IGSF3: variants seen among roughly 807,000 people sequenced by gnomAD.
IGSF3 encodes the protein immunoglobulin superfamily member 3, also known as glu-Trp-Ile EWI motif-containing protein 3.
In IGSF3, 23 loss-of-function variants were observed where a neutral mutation model predicts 114.4. The ratio of observed to expected loss-of-function variants is 0.20; its 90% confidence interval spans 0.14 to 0.28. The LOEUF is 0.28. Ranked by LOEUF, IGSF3 falls within the 10% of genes least tolerant of loss-of-function variation. The pLI is 1.00. For missense variants in IGSF3, 1,172 were observed against 1,591.5 expected (o/e 0.74, Z 4.48); for synonymous variants, 571 against 645.2 (o/e 0.88, Z 1.74).
intron 2 of IGSF3, among the ~76,000 whole-genome samples, chr1:116,652,948 T>C (rs1467753795): frequency 5.3e-5 from 8 of 152,158 alleles, no homozygotes; most frequent in Admixed American, 1.3e-4. Context: ...TCATGGGGCA[T>C]CTTGAACTCT....
In IGSF3 at chr1:116,577,579, G is replaced by A; in HGVS notation, c.3335-17C>T. ...GGGTGGGACCTGAAAAGAATCATGAGAGAGACAAGACAATGAGGGCTGAGA... is the reference window on the plus strand; with the variant it reads ...GGGTGGGACCTGAAAAGAATCATGAAAGAGACAAGACAATGAGGGCTGAGA... On this transcript the variant is annotated splice_polypyrimidine_tract_variant and intron_variant, in intron 10 of 10. Coordinates refer to ENST00000369486, the MANE Select transcript of IGSF3 (RefSeq NM_001007237.3). The surrounding 1 kb of genome is among the most constrained non-coding windows in gnomAD (Gnocchi z 5.7). 6.2e-7 allele frequency: 1 copy of A among 1,612,548 alleles called. No individual in the cohort carries two copies. Among genetic ancestry groups the A allele is most frequent in the Non-Finnish European group, 8.5e-7 (1 of 1,179,340 alleles).
intron 2 of IGSF3, among the ~76,000 whole-genome samples, chr1:116,619,663 C>A (rs1391048157): frequency 6.6e-6 from 1 of 152,168 alleles, no homozygotes; most frequent in Admixed American, 6.5e-5. Flanking sequence ...ACCTCTGCTG[C>A]CTCCAAAGAG....
intron 2 of IGSF3, among the ~76,000 whole-genome samples, chr1:116,659,987 C>T (rs58903221): frequency 0.03 from 4,556 of 152,234 alleles, 90 homozygotes; most frequent in African/African-American, 0.063. Flanking sequence ...CCAGGGACCA[C>T]GAGAGGTCAG....
In IGSF3 at chr1:116,588,857, A is replaced by T. The variant is rs145298151; in HGVS notation, c.2277T>A (p.His759Gln). 15 of 1,614,050 alleles carry T rather than the reference A, an allele frequency of 9.3e-6. No individual in the cohort carries two copies. The African/African-American group carries it at 1.6e-4, about 17-fold the overall frequency. The change falls in exon 8 of 11, where the codon CAT becomes CAA. Residue 759 changes from histidine (H) to glutamine (Q), a missense_variant. By Grantham distance (24) the His-to-Gln change is conservative. Around this residue, in one of 3 missense-constraint regions of IGSF3, gnomAD observed 736 missense variants for 1,042.0 expected, o/e 0.71. Coordinates refer to ENST00000369486, the MANE Select transcript of IGSF3 (RefSeq NM_001007237.3). The surrounding 1 kb of genome is among the most constrained non-coding windows in gnomAD (Gnocchi z 4.9). ...TGAGGCTGAACAGGCCCCCCGACAC[A>T]TGCCTCTCAAACTGGAGCCTGGCTC... ...GLRARLQFER[H>Q]VSGGLFSLTV...
chr1:116,577,677 C>CCCAGTGGAAGCTCCTCGGTGA lies in IGSF3; in HGVS notation c.3335-116_3335-115insTCACCGAGGAGCTTCCACTGG. The CCCAGTGGAAGCTCCTCGGTGA allele has an allele frequency of 1.1e-6, 1 of 900,770 alleles. No homozygotes were observed. The highest frequency in any genetic ancestry group is 1.7e-6 in the Non-Finnish European group (1 of 582,126). The allele number at this position is 900,770 out of a possible 1,614,324, so 55.8% of individuals were successfully genotyped here. On this transcript the variant is annotated intron_variant, in intron 10 of 10. Coordinates refer to ENST00000369486, the MANE Select transcript of IGSF3 (RefSeq NM_001007237.3). The surrounding 1 kb of genome is among the most constrained non-coding windows in gnomAD (Gnocchi z 5.7). ...GAAGCTCCTCGGTGACACTCCCACA[C>CCCAGTGGAAGCTCCTCGGTGA]CACCTTGTCTTTCCCCTGCTACCAT...
In IGSF3 at chr1:116,662,124, G is replaced by A. The variant is rs1649143385; in HGVS notation, c.43+4160C>T. Among the ~76,000 whole-genome samples, 2 of 151,896 alleles carry A rather than the reference G, an allele frequency of 1.3e-5. No homozygotes were observed. The highest frequency in any genetic ancestry group is 1.3e-4 in the Admixed American group (2 of 15,258). ...TTTTGCTCATTGCCCAGGCTGGAGT[G>A]CAACGGCGCGATCTCGGCTCACTGC... On this transcript the variant is annotated intron_variant, in intron 2 of 10. Transcript: ENST00000369486. The surrounding 1 kb of genome is among the most constrained non-coding windows in gnomAD (Gnocchi z 4.3).
At position 116,612,267 on chromosome 1, in the gene IGSF3, G is replaced by A. The variant is rs1392113461; in HGVS notation, c.832+1498C>T. 6.6e-6 allele frequency among the ~76,000 whole-genome samples: 1 copy of A among 152,154 alleles called. No individual in the cohort carries two copies. The highest frequency in any genetic ancestry group is 1.5e-5 in the Non-Finnish European group (1 of 68,028). Reference sequence around the variant, plus strand: ...TTGGATAGATTTTTTAATATTGAAAGATCCAGAAGCTGCTAAATGTCCTAC... The same window carrying A: ...TTGGATAGATTTTTTAATATTGAAAAATCCAGAAGCTGCTAAATGTCCTAC... On this transcript the variant is annotated intron_variant, in intron 4 of 10. Transcript: ENST00000369486. The surrounding 1 kb of genome is among the most constrained non-coding windows in gnomAD (Gnocchi z 4.1).
chr1:116,591,574 A>G (rs541212518), intron 7 of IGSF3, among the ~76,000 whole-genome samples: 11 of 152,294 alleles, frequency 7.2e-5, no homozygotes, highest in African/African-American at 2.6e-4. Flanking sequence ...CCCATGTCAA[A>G]ATATTGTGAA....
rs1659474385 is a variant in IGSF3 at position 116,579,041 on chromosome 1, T to C, written c.3334+351A>G. 6.6e-6 allele frequency among the ~76,000 whole-genome samples: 1 copy of C among 152,200 alleles called. No homozygotes were observed. Among genetic ancestry groups the C allele is most frequent in the Non-Finnish European group, 1.5e-5 (1 of 68,038 alleles). ...CTTTCCCTTGTGAGTCTGAAACGCT[T>C]GCTAATTCGCTAAAGACTAGTTCCA... On this transcript the variant is annotated intron_variant, in intron 10 of 10. Transcript: ENST00000369486. The surrounding 1 kb of genome is among the most constrained non-coding windows in gnomAD (Gnocchi z 6.4).
At chr1:116,606,459 G>T (rs764276439) in intron 5 of IGSF3, 1 of 1,612,186 alleles carries the variant, frequency 6.2e-7, no homozygotes, top group Non-Finnish European at 8.5e-7. Flanking sequence ...CACCATTACC[G>T]ATGTGATTGT....
At chr1:116,663,667 T>C (rs1381220782) in intron 2 of IGSF3, among the ~76,000 whole-genome samples, 1 of 152,108 alleles carries the variant, frequency 6.6e-6, no homozygotes, top group Non-Finnish European at 1.5e-5. Context: ...CTGATTCCAA[T>C]CCCAGACACT....
chr1:116,626,145 A>G (rs1183141910), intron 2 of IGSF3, among the ~76,000 whole-genome samples: 1 of 152,180 alleles, frequency 6.6e-6, no homozygotes, highest in Non-Finnish European at 1.5e-5. Flanking sequence ...TAAAAATTAC[A>G]GTATTTTAAG....
At position 116,629,336 on chromosome 1, in the gene IGSF3, T is replaced by C. The variant is rs900941106; in HGVS notation, c.44-12879A>G. Among the ~76,000 whole-genome samples the C allele has an allele frequency of 1.4e-4, 21 of 152,222 alleles. No homozygotes were observed. The highest frequency in any genetic ancestry group is 5.1e-4 in the African/African-American group (21 of 41,440). On this transcript the variant is annotated intron_variant, in intron 2 of 10. Transcript: ENST00000369486. This position sits in a 1 kb window ranked among gnomAD's most constrained non-coding sequence, Gnocchi z 4.3. ...GTGTGGAAAAAGGACTGGGCTAGTATATTTAAAAAACGCTAAAGGGAGGTG... is the reference window on the plus strand; with the variant it reads ...GTGTGGAAAAAGGACTGGGCTAGTACATTTAAAAAACGCTAAAGGGAGGTG...
At position 116,584,615 on chromosome 1, in the gene IGSF3, G is replaced by C; in HGVS notation, c.2848+30C>G. ...ATACTTAAATGGGAAACACCAGAGG[G>C]AGTGGAAGCTTGGGGACGTGGACCC... On this transcript the variant is annotated intron_variant, in intron 9 of 10. Coordinates refer to ENST00000369486, the MANE Select transcript of IGSF3 (RefSeq NM_001007237.3). This position sits in a 1 kb window ranked among gnomAD's most constrained non-coding sequence, Gnocchi z 5.8. 4.4e-6 allele frequency: 7 copies of C among 1,609,148 alleles called. No individual in the cohort carries two copies. The highest frequency in any genetic ancestry group is 6.0e-6 in the Non-Finnish European group (7 of 1,175,654).
At position 116,588,847 on chromosome 1, in the gene IGSF3, C is replaced by T. The variant is rs144603547; in HGVS notation, c.2287G>A (p.Gly763Ser). ...CTCTGGACGGTGAGGCTGAACAGGC[C>T]CCCCGACACATGCCTCTCAAACTGG... ...RLQFERHVSG[G>S]LFSLTVQRAE... The change falls in exon 8 of 11, where the codon GGC (glycine) becomes AGC (serine). Residue 763 changes from glycine to serine, a missense_variant. By Grantham distance (56) the Gly-to-Ser change is moderately conservative. This residue lies in a region of IGSF3 where 736 missense variants were observed against 1,042.0 expected (regional missense o/e 0.71). Transcript: ENST00000369486. The surrounding 1 kb of genome is among the most constrained non-coding windows in gnomAD (Gnocchi z 4.9). 9.1e-5 allele frequency: 147 copies of T among 1,614,068 alleles called. No individual in the cohort carries two copies. The highest frequency in any genetic ancestry group is 1.2e-4 in the Non-Finnish European group (141 of 1,180,024).
In IGSF3 at chr1:116,638,993, G is replaced by A. The variant is rs947625258; in HGVS notation, c.44-22536C>T. On this transcript the variant is annotated intron_variant, in intron 2 of 10. Transcript: ENST00000369486. This position sits in a 1 kb window ranked among gnomAD's most constrained non-coding sequence, Gnocchi z 4.1. The stretch of plus-strand genomic sequence containing the variant: ...GGTAGGAAGACAAGCATAGAATTAA[G>A]AACAAAGCAACTAACTGTACCAGGT... 6.6e-6 allele frequency among the ~76,000 whole-genome samples: 1 copy of A among 152,210 alleles called. No homozygotes were observed. The highest frequency in any genetic ancestry group is 2.4e-5 in the African/African-American group (1 of 41,446).
chr1:116,608,216 G>A lies in IGSF3; in HGVS notation c.948C>T (p.Val316=), dbSNP rs1182993278. 3 of 1,609,662 alleles carry A rather than the reference G, an allele frequency of 1.9e-6. No homozygotes were observed. In the African/African-American group the frequency reaches 4.0e-5, roughly 22 times the overall value. Residue 316 remains valine (V), a synonymous_variant, in exon 5 of 11, where the codon GTC becomes GTT. Transcript: ENST00000369486. ...AQNVPDRYFA[V]SWAFNSSLIA... is the part of the protein sequence containing the mutation. Reference sequence around the variant, plus strand: ...TGAGCGAGCTGTTGAAGGCCCAGGAGACAGCAAAGTAACGGTCGGGAACAT... The same window carrying A: ...TGAGCGAGCTGTTGAAGGCCCAGGAAACAGCAAAGTAACGGTCGGGAACAT...
chr1:116,578,495 C>G, intron 10 of IGSF3, among the ~76,000 whole-genome samples: 1 of 152,176 alleles, frequency 6.6e-6, no homozygotes, highest in South Asian at 2.1e-4. Flanking sequence ...TGATAGTCCA[C>G]CATTGTTGAC....
rs959659080 is a variant in IGSF3 at position 116,584,348 on chromosome 1, T to C, written c.2848+297A>G. Reference sequence around the variant, plus strand: ...TTATTGTTTCAAGATTTTTGTCATATCTGCCCTTTGTTCCAAATCTGGAAA... The same window carrying C: ...TTATTGTTTCAAGATTTTTGTCATACCTGCCCTTTGTTCCAAATCTGGAAA... On this transcript the variant is annotated intron_variant, in intron 9 of 10. Coordinates refer to ENST00000369486, the MANE Select transcript of IGSF3 (RefSeq NM_001007237.3). This position sits in a 1 kb window ranked among gnomAD's most constrained non-coding sequence, Gnocchi z 5.8. Among the ~76,000 whole-genome samples, 9 of 152,190 alleles carry C rather than the reference T, an allele frequency of 5.9e-5. No individual in the cohort carries two copies. Among genetic ancestry groups the C allele is most frequent in the Non-Finnish European group, 8.8e-5 (6 of 68,032 alleles).
Sources: allele counts gnomAD v4.1 joint callset (sites outside exome capture counted in the v4.1 genomes callset), GRCh38; gene constraint gnomAD v4.1.1; regional missense constraint gnomAD v4.1.1; non-coding constraint Gnocchi (gnomAD v3.1); transcripts MANE v1.5; gene names NCBI Gene and HGNC (gene_info 2026-07-23, HGNC 2026-07-21).